Variants in CLASP1 observed in about 807,000 individuals in gnomAD.
The protein encoded by CLASP1 is CLIP-associating protein 1.
CLASP1 carries 38 observed loss-of-function variants against 192.3 expected under a neutral mutation model. The ratio of observed to expected loss-of-function variants is 0.20; its 90% CI spans 0.15 to 0.26. The LOEUF (loss-of-function observed/expected upper bound fraction) is 0.26. Among genes scored for constraint, CLASP1 ranks in the 10% least tolerant of loss-of-function variants. The pLI, the probability that CLASP1 is intolerant of heterozygous loss-of-function variation, is 1.00. For synonymous variants in CLASP1, 691 were observed against 712.8 expected, an observed-to-expected ratio of 0.97 and a Z score of 0.49; for missense variants, 1,433 against 1,932.5, an observed-to-expected ratio of 0.74 and a Z score of 4.85.
intron 28 of CLASP1, among the ~76,000 whole-genome samples, chr2:121,400,803 T>C (rs535526148): frequency 3.5e-4 from 53 of 152,328 alleles, no homozygotes; most frequent in Non-Finnish European, 5.6e-4. Context: ...GTTATTCCTT[T>C]GTTCTTTAAA....
chr2:121,444,092 T>A (rs1335027902), intron 19 of CLASP1, among the ~76,000 whole-genome samples: 1 of 152,238 alleles, frequency 6.6e-6, no homozygotes, highest in Non-Finnish European at 1.5e-5. Context: ...AGCATTTTCA[T>A]GCATTCTATC....
At chr2:121,520,117 T>C (rs1420251674) in intron 6 of CLASP1, among the ~76,000 whole-genome samples, 1 of 152,176 alleles carries the variant, frequency 6.6e-6, no homozygotes, top group East Asian at 1.9e-4. Flanking sequence ...CACTGCACAC[T>C]GGAGGGTGTA....
At chr2:121,448,987 C>T in exon 17 of CLASP1, 1 of 1,613,912 alleles carries the variant, frequency 6.2e-7, no homozygotes, top group Non-Finnish European at 8.5e-7. Context: ...GATGAGCGGT[C>T]TGACTGAGGC....
intron 22 of CLASP1, 125 bp downstream of exon 22, chr2:121,425,014 G>A (rs1269023232): frequency 2.0e-6 from 2 of 988,430 alleles, no homozygotes; most frequent in African/African-American, 1.6e-5. Flanking sequence ...AGCACACCCA[G>A]GCAAAGTGAC....
rs189193094 is a variant in CLASP1, at chr2:121,500,012, A to G, written c.712+3155T>C. On this transcript the variant is annotated intron_variant, in intron 8 of 39. Transcript: ENST00000263710. The stretch of plus-strand genomic sequence containing the variant: ...TGCAATAAGGCAAGAAAAAGAAATT[A>G]AAAGCATACGTATCTGAAAGAGATA... 4.2e-3 allele frequency among the ~76,000 whole-genome samples: 637 copies of G among 152,276 alleles called. 5 individuals carry two copies. The highest frequency in any genetic ancestry group is 5.9e-3 in the Non-Finnish European group (402 of 68,020).
At chr2:121,443,170 T>C (rs2083650209) in intron 19 of CLASP1, among the ~76,000 whole-genome samples, 1 of 151,524 alleles carries the variant, frequency 6.6e-6, no homozygotes, top group Admixed American at 6.6e-5. Context: ...GAGTCTGAGC[T>C]CTCTATAAAA....
At chr2:121,419,016 C>T (rs1002365769) in intron 22 of CLASP1, among the ~76,000 whole-genome samples, 1 of 152,042 alleles carries the variant, frequency 6.6e-6, no homozygotes, top group African/African-American at 2.4e-5. Context: ...TCTTTCTGAA[C>T]AACAAACTGT....
intron 2 of CLASP1, among the ~76,000 whole-genome samples, chr2:121,578,636 G>A (rs1471837966): frequency 6.6e-6 from 1 of 151,404 alleles, no homozygotes; most frequent in African/African-American, 2.4e-5. Flanking sequence ...GCTGAGGCAG[G>A]AGAATCACTT....
Position 121,577,406 on chromosome 2 carries a change from C to A in CLASP1, c.195+28295G>T, listed in dbSNP as rs138824033. On this transcript the variant is annotated intron_variant, in intron 2 of 39. Transcript: ENST00000263710. Reference sequence around the variant, plus strand: ...GAATCCTATGAGGCCATAAAAATGACCATATTTCAACAAGAAAACCTATCT... The same window carrying A: ...GAATCCTATGAGGCCATAAAAATGAACATATTTCAACAAGAAAACCTATCT... 7.3e-4 allele frequency among the ~76,000 whole-genome samples: 111 copies of A among 152,208 alleles called. 1 individual carries two copies. Among genetic ancestry groups the A allele is most frequent in the African/African-American group, 2.4e-3 (98 of 41,530 alleles).
chr2:121,593,952 G>A (rs1013069339), intron 2 of CLASP1, among the ~76,000 whole-genome samples: 3 of 150,448 alleles, frequency 2.0e-5, no homozygotes, highest in Non-Finnish European at 4.4e-5. Context: ...AGGTTGCGGT[G>A]AGCCGAGATC....
At chr2:121,466,946 T>C (rs553585015) in intron 9 of CLASP1, among the ~76,000 whole-genome samples, 1 of 152,334 alleles carries the variant, frequency 6.6e-6, no homozygotes, top group Non-Finnish European at 1.5e-5. Context: ...ACATTAGCTA[T>C]TCTTCGTGAT....
intron 8 of CLASP1, among the ~76,000 whole-genome samples, chr2:121,478,855 C>CA (rs1559368393): frequency 5.3e-4 from 30 of 56,916 alleles, no homozygotes; most frequent in African/African-American, 3.1e-3. Context: ...ACACCACACA[C>CA]CACACCACAC....
At chr2:121,522,923 A>G (rs1472945383) in intron 6 of CLASP1, among the ~76,000 whole-genome samples, 1 of 152,254 alleles carries the variant, frequency 6.6e-6, no homozygotes, top group Non-Finnish European at 1.5e-5. Context: ...GAAAATGACC[A>G]TCTCAGATGA....
intron 4 of CLASP1, among the ~76,000 whole-genome samples, chr2:121,528,326 G>C (rs1411734348): frequency 6.6e-6 from 1 of 152,096 alleles, no homozygotes; most frequent in Non-Finnish European, 1.5e-5. Flanking sequence ...GGAAGACAGG[G>C]GCCAGGGCTC....
chr2:121,495,523 T>C (rs971032047), intron 8 of CLASP1, among the ~76,000 whole-genome samples: 1 of 151,680 alleles, frequency 6.6e-6, no homozygotes, highest in African/African-American at 2.4e-5. Flanking sequence ...TCGCTGGGCA[T>C]GGTGGTGAGC....
chr2:121,414,552 A>G (rs933506548), intron 23 of CLASP1, among the ~76,000 whole-genome samples: 3 of 152,242 alleles, frequency 2.0e-5, no homozygotes, highest in African/African-American at 7.2e-5. Flanking sequence ...CAGGAGTCAC[A>G]GAGCACCGTC....
rs116204512 is a variant in CLASP1 at position 121,469,076 on chromosome 2, T to C, written c.865+732A>G. Among the ~76,000 whole-genome samples, 919 of 152,320 alleles carry C rather than the reference T, an allele frequency of 6.0e-3. 13 individuals are homozygous for C. Among genetic ancestry groups the C allele is most frequent in the Admixed American group, 0.038 (580 of 15,290 alleles). On this transcript the variant is annotated intron_variant, in intron 9 of 39. Coordinates refer to ENST00000263710, the Ensembl canonical transcript of CLASP1. ...GTTTGTTTTTCGTTTAACAGTCTGGTCACTCTTCCGTGGGGCTGCTGCTAC... is the reference window on the plus strand; with the variant it reads ...GTTTGTTTTTCGTTTAACAGTCTGGCCACTCTTCCGTGGGGCTGCTGCTAC...
chr2:121,636,097 G>T (rs1208025354), intron 1 of CLASP1, among the ~76,000 whole-genome samples: 1 of 151,666 alleles, frequency 6.6e-6, no homozygotes, highest in Admixed American at 6.6e-5. Context: ...CCAGCACTTT[G>T]GGAGGCTAAG....
rs955659893 is a variant in CLASP1, at chr2:121,605,253, G to A, written c.195+448C>T. ...AACCTATTTCTGTCCAGGTACCTGG[G>A]CCAGCTTCACAACAGTGACCTGAAG... On this transcript the variant is annotated intron_variant, in intron 2 of 39. Coordinates refer to ENST00000263710, the Ensembl canonical transcript of CLASP1. Among the ~76,000 whole-genome samples, 19 of 152,044 alleles carry A rather than the reference G, an allele frequency of 1.2e-4. No individual in the cohort carries two copies. The South Asian group carries it at 3.5e-3, about 28-fold the overall frequency.
Sources: gnomAD v4.1 joint callset for allele counts (sites outside exome capture counted in the v4.1 genomes callset) on GRCh38, gnomAD v4.1.1 for gene constraint, MANE v1.5 for transcripts, NCBI Gene and HGNC (gene_info 2026-07-23, HGNC 2026-07-21) for gene names.